LRRTM4: variants seen among roughly 807,000 people sequenced by gnomAD.
The protein encoded by LRRTM4 is leucine-rich repeat transmembrane neuronal protein 4.
Under a neutral mutation model 47.6 loss-of-function variants are expected in LRRTM4, and 25 were observed. That is an observed-to-expected ratio of 0.53 (90% CI 0.38 to 0.73). The LOEUF is 0.73. Among genes scored for constraint, LRRTM4 ranks in the 30% least tolerant of loss-of-function variants. The pLI, the probability that LRRTM4 is intolerant of heterozygous loss-of-function variation, is 0.00. For missense variants in LRRTM4, 638 were observed against 713.4 expected, an observed-to-expected ratio of 0.89 and a Z score of 1.20; for synonymous variants, 311 against 269.5, an observed-to-expected ratio of 1.15 and a Z score of -1.51.
In LRRTM4 at chr2:77,197,154, C is replaced by T. The variant is rs922084323; in HGVS notation, c.1551+321164G>A. ...AAATAGTAGGCATTCTTGCCTCTTT[C>T]CTAATCTTAATCTTTGTACTGAGGA... is the stretch of plus-strand genomic sequence containing the variant. On this transcript the variant is annotated intron_variant, in intron 3 of 3. Transcript: ENST00000409884. Among the ~76,000 whole-genome samples the T allele has an allele frequency of 1.9e-4, 29 of 152,160 alleles. 2 individuals carry two copies. The highest frequency in any genetic ancestry group is 6.0e-4 in the African/African-American group (25 of 41,532).
chr2:77,319,284 G>C (rs1677718902), intron 3 of LRRTM4, among the ~76,000 whole-genome samples: 1 of 152,094 alleles, frequency 6.6e-6, no homozygotes, highest in African/African-American at 2.4e-5. Flanking sequence ...CTACTAGGGA[G>C]GTTGAGACAG....
intron 3 of LRRTM4, among the ~76,000 whole-genome samples, chr2:77,225,471 A>T (rs1379474138): frequency 6.6e-6 from 1 of 151,328 alleles, no homozygotes; most frequent in Non-Finnish European, 1.5e-5. Flanking sequence ...CGGTGTGCCC[A>T]GCACTCAAAA....
chr2:77,114,485 A>C (rs765885717), intron 3 of LRRTM4, among the ~76,000 whole-genome samples: 6 of 152,190 alleles, frequency 3.9e-5, no homozygotes, highest in Admixed American at 6.5e-5. Flanking sequence ...GAGTAGAACA[A>C]TCATTTCTGT....
chr2:77,089,395 CTT>C (rs1403365769), intron 3 of LRRTM4, among the ~76,000 whole-genome samples: 11 of 151,626 alleles, frequency 7.3e-5, no homozygotes, highest in African/African-American at 2.2e-4. Flanking sequence ...GCCCCAACCT[CTT>C]ATATCTCTGT....
chr2:77,307,296 T>C lies in LRRTM4; in HGVS notation c.1551+211022A>G, dbSNP rs1023701691. On this transcript the variant is annotated intron_variant, in intron 3 of 3. Coordinates refer to ENST00000409884, the MANE Select transcript of LRRTM4 (RefSeq NM_001134745.3). ...CTGAAATTTTCTCTGAAATGTGACT[T>C]AGTAGTCACATTTTTGCCTTTCAGC... 3.3e-5 allele frequency among the ~76,000 whole-genome samples: 5 copies of C among 151,708 alleles called. No homozygotes were observed. In the South Asian group the frequency reaches 1.0e-3, roughly 31 times the overall value.
intron 3 of LRRTM4, among the ~76,000 whole-genome samples, chr2:77,320,694 T>C (rs2104224617): frequency 6.6e-6 from 1 of 152,210 alleles, no homozygotes. Context: ...AAATCTTATA[T>C]TCATGGTTAT....
chr2:77,082,668 G>T (rs1680570061), intron 3 of LRRTM4, among the ~76,000 whole-genome samples: 1 of 146,576 alleles, frequency 6.8e-6, no homozygotes, highest in Non-Finnish European at 1.5e-5. Flanking sequence ...TATCTCGCTA[G>T]TTAAAAAATA....
At chr2:77,214,684 T>C (rs1215025237) in intron 3 of LRRTM4, among the ~76,000 whole-genome samples, 1 of 152,076 alleles carries the variant, frequency 6.6e-6, no homozygotes, top group Non-Finnish European at 1.5e-5. Context: ...GCAAAAATAC[T>C]ATTTTTATAT....
intron 3 of LRRTM4, among the ~76,000 whole-genome samples, chr2:77,367,113 G>C (rs565289963): frequency 6.6e-6 from 1 of 151,760 alleles, no homozygotes; most frequent in South Asian, 2.1e-4. Flanking sequence ...GAGCCTGAAT[G>C]TATTGATTTC....
intron 3 of LRRTM4, among the ~76,000 whole-genome samples, chr2:77,002,547 T>C (rs951021376): frequency 2.6e-5 from 4 of 152,160 alleles, no homozygotes; most frequent in African/African-American, 7.2e-5. Context: ...CCTATGTCCT[T>C]ATTAGCCTCA....
At chr2:76,981,306 ACTAT>A (rs997477341) in intron 3 of LRRTM4, among the ~76,000 whole-genome samples, 13 of 152,104 alleles carry the variant, frequency 8.5e-5, no homozygotes, top group African/African-American at 2.7e-4. Flanking sequence ...TTATTTCTTA[ACTAT>A]CTCTCACTCA....
chr2:77,478,502 A>G (rs907090207), intron 3 of LRRTM4, among the ~76,000 whole-genome samples: 1 of 152,178 alleles, frequency 6.6e-6, no homozygotes, highest in Admixed American at 6.5e-5. Context: ...TAAAAATTTC[A>G]TTCTTTTTTC....
intron 3 of LRRTM4, chr2:77,516,919 A>C: frequency 1.0e-6 from 1 of 984,598 alleles, no homozygotes; most frequent in Non-Finnish European, 1.2e-6. Context: ...AGTATATGCT[A>C]TCAAAGAGCA....
intron 3 of LRRTM4, among the ~76,000 whole-genome samples, chr2:77,367,874 G>T (rs1672519260): frequency 6.6e-6 from 1 of 151,748 alleles, no homozygotes; most frequent in African/African-American, 2.4e-5. Flanking sequence ...TAGCTGCACT[G>T]TTCAACACAG....
At chr2:77,188,335 G>A (rs1673569629) in intron 3 of LRRTM4, among the ~76,000 whole-genome samples, 1 of 152,112 alleles carries the variant, frequency 6.6e-6, no homozygotes, top group Non-Finnish European at 1.5e-5. Context: ...TTGCTCCAAA[G>A]GTTGCTCTGG....
intron 3 of LRRTM4, among the ~76,000 whole-genome samples, chr2:77,158,277 G>GATTTAGATTT (rs1372003434): frequency 6.6e-6 from 1 of 152,110 alleles, no homozygotes; most frequent in Non-Finnish European, 1.5e-5. Flanking sequence ...AAAAAATATA[G>GATTTAGATTT]AGATTTAATT....
intron 3 of LRRTM4, among the ~76,000 whole-genome samples, chr2:77,084,837 T>A (rs1161302089): frequency 1.3e-5 from 2 of 152,212 alleles, no homozygotes; most frequent in East Asian, 1.9e-4. Flanking sequence ...TGGTAACAAT[T>A]ATAAGTGGTA....
chr2:76,902,139 C>T (rs1673658608), intron 3 of LRRTM4, among the ~76,000 whole-genome samples: 1 of 152,050 alleles, frequency 6.6e-6, no homozygotes, highest in Middle Eastern at 3.2e-3. Flanking sequence ...ACAATAGAAG[C>T]CCACTTAACT....
chr2:77,417,511 G>A (rs183849967), intron 3 of LRRTM4, among the ~76,000 whole-genome samples: 23 of 152,216 alleles, frequency 1.5e-4, no homozygotes, highest in African/African-American at 3.6e-4. Context: ...AACAATGATC[G>A]ACTGGATTAA....
Sources: gnomAD v4.1 joint callset for allele counts (sites outside exome capture counted in the v4.1 genomes callset) on GRCh38, gnomAD v4.1.1 for gene constraint, MANE v1.5 for transcripts, NCBI Gene and HGNC (gene_info 2026-07-23, HGNC 2026-07-21) for gene names.